HS3ST2: variants seen among roughly 807,000 people sequenced by gnomAD.
HS3ST2 encodes the protein heparan sulfate glucosamine 3-O-sulfotransferase 2.
In HS3ST2, 17 loss-of-function variants were observed where a neutral mutation model predicts 26.3. The observed-to-expected ratio is 0.65, with a 90% CI of 0.44 to 0.97. The LOEUF is 0.97. Ranked by LOEUF, HS3ST2 falls within the 50% of genes least tolerant of loss-of-function variation. The pLI is 0.00. For missense variants in HS3ST2, 402 were observed against 501.2 expected, an observed-to-expected ratio of 0.80 and a Z score of 1.89; for synonymous variants, 237 against 219.2, an observed-to-expected ratio of 1.08 and a Z score of -0.72.
chr16:22,884,476 T>A (rs1902033006), intron 1 of HS3ST2, among the ~76,000 whole-genome samples: 1 of 152,024 alleles, frequency 6.6e-6, no homozygotes, highest in Non-Finnish European at 1.5e-5. Flanking sequence ...GGACTCTCCG[T>A]AACTTCTCAT....
At chr16:22,904,469 G>A (rs1011744168) in intron 1 of HS3ST2, among the ~76,000 whole-genome samples, 1 of 152,110 alleles carries the variant, frequency 6.6e-6, no homozygotes, top group African/African-American at 2.4e-5. Flanking sequence ...AATGGGTTAT[G>A]TCTATAGTGG....
At chr16:22,822,927 C>T (rs1473360476) in intron 1 of HS3ST2, among the ~76,000 whole-genome samples, 1 of 151,760 alleles carries the variant, frequency 6.6e-6, no homozygotes, top group African/African-American at 2.4e-5. Flanking sequence ...AAAGGGTATT[C>T]AGAGAAAATT....
intron 1 of HS3ST2, among the ~76,000 whole-genome samples, chr16:22,836,617 T>C (rs937994467): frequency 1.3e-5 from 2 of 152,098 alleles, no homozygotes; most frequent in African/African-American, 2.4e-5. Flanking sequence ...TTTTTTTCAA[T>C]TAGTGCTTTA....
chr16:22,868,494 C>G (rs1168876595), intron 1 of HS3ST2, among the ~76,000 whole-genome samples: 3 of 149,910 alleles, frequency 2.0e-5, no homozygotes, highest in African/African-American at 7.4e-5. Flanking sequence ...AATGATTATA[C>G]AAGATCTTCA....
chr16:22,913,343 G>T (rs1442968878), intron 1 of HS3ST2, among the ~76,000 whole-genome samples: 1 of 152,144 alleles, frequency 6.6e-6, no homozygotes, highest in Non-Finnish European at 1.5e-5. Context: ...CTGGGAAAGA[G>T]ACTTCAGTGC....
chr16:22,894,752 A>T (rs1596629277), intron 1 of HS3ST2, among the ~76,000 whole-genome samples: 2 of 150,490 alleles, frequency 1.3e-5, no homozygotes, highest in East Asian at 3.9e-4. Flanking sequence ...AAAAAAAAAA[A>T]GGAGTTGGAG....
intron 1 of HS3ST2, among the ~76,000 whole-genome samples, chr16:22,829,953 G>T (rs1333840645): frequency 6.6e-6 from 1 of 152,144 alleles, no homozygotes; most frequent in African/African-American, 2.4e-5. Context: ...TCAATATGAG[G>T]GAAGCTGGGG....
rs956100872 is a variant in HS3ST2, at chr16:22,837,511, GTA to G, written c.485+22425_485+22426del. 2.1e-5 allele frequency among the ~76,000 whole-genome samples: 3 copies of G among 142,692 alleles called. No homozygotes were observed. In the South Asian group the frequency reaches 6.5e-4, roughly 31 times the overall value. The allele number at this position is 142,692 out of a possible 152,430, so 93.6% of individuals were successfully genotyped here. A position where few individuals can be genotyped will look rare whatever the true frequency, so the allele number is the denominator to read the frequency against. On this transcript the variant is annotated intron_variant, in intron 1 of 1. Transcript: ENST00000261374. ...TGTGTGTGTGTGTGTATATATATGT[GTA>G]TATATATACACATATATATACACAG...
chr16:22,849,729 C>G (rs978940685), intron 1 of HS3ST2, among the ~76,000 whole-genome samples: 1 of 152,188 alleles, frequency 6.6e-6, no homozygotes, highest in African/African-American at 2.4e-5. Flanking sequence ...AGGCTTGATT[C>G]AGGACACAAA....
intron 1 of HS3ST2, among the ~76,000 whole-genome samples, chr16:22,896,771 CTTTCT>C (rs1902216865): frequency 6.6e-6 from 1 of 151,966 alleles, no homozygotes; most frequent in Admixed American, 6.6e-5. Flanking sequence ...TTTTCTCTTT[CTTTCT>C]TTTGTTTTCT....
At chr16:22,910,532 T>G (rs934823335) in intron 1 of HS3ST2, among the ~76,000 whole-genome samples, 2 of 152,238 alleles carry the variant, frequency 1.3e-5, no homozygotes, top group African/African-American at 2.4e-5. Context: ...GCCCTTGTGA[T>G]TGTTTGCACA....
At chr16:22,903,088 T>G (rs1902302031) in intron 1 of HS3ST2, among the ~76,000 whole-genome samples, 1 of 152,206 alleles carries the variant, frequency 6.6e-6, no homozygotes, top group South Asian at 2.1e-4. Context: ...CATCTTTTCC[T>G]TCATGATTTT....
chr16:22,825,450 G>A (rs1367228976), intron 1 of HS3ST2, among the ~76,000 whole-genome samples: 1 of 152,158 alleles, frequency 6.6e-6, no homozygotes, highest in African/African-American at 2.4e-5. Flanking sequence ...TTAGATGTTC[G>A]TGGAAAGTTT....
intron 1 of HS3ST2, among the ~76,000 whole-genome samples, chr16:22,829,568 A>G (rs1901139386): frequency 1.3e-5 from 2 of 152,186 alleles, no homozygotes; most frequent in African/African-American, 2.4e-5. Flanking sequence ...CATAACTGTT[A>G]TAGAACACTT....
chr16:22,874,316 G>A (rs1901880942), intron 1 of HS3ST2, among the ~76,000 whole-genome samples: 1 of 152,170 alleles, frequency 6.6e-6, no homozygotes, highest in South Asian at 2.1e-4. Context: ...CCCTAAAGAT[G>A]ATTATTCCAG....
At chr16:22,846,910 C>A (rs1901441608) in intron 1 of HS3ST2, among the ~76,000 whole-genome samples, 1 of 152,188 alleles carries the variant, frequency 6.6e-6, no homozygotes, top group Admixed American at 6.5e-5. Flanking sequence ...TGGGGATACA[C>A]AGCGTGGAGT....
intron 1 of HS3ST2, among the ~76,000 whole-genome samples, chr16:22,905,424 G>GT (rs766253100): frequency 4.7e-3 from 664 of 141,434 alleles, no homozygotes; most frequent in Admixed American, 7.4e-3. Context: ...TTTTGTGTTT[G>GT]TTTTTTTTTT....
chr16:22,889,195 A>G (rs1248682245), intron 1 of HS3ST2, among the ~76,000 whole-genome samples: 1 of 152,206 alleles, frequency 6.6e-6, no homozygotes, highest in African/African-American at 2.4e-5. Context: ...CACATTTCCT[A>G]AAAATGGACA....
At chr16:22,853,726 G>A (rs916491118) in intron 1 of HS3ST2, among the ~76,000 whole-genome samples, 5 of 152,124 alleles carry the variant, frequency 3.3e-5, no homozygotes, top group African/African-American at 4.8e-5. Flanking sequence ...ACAGGCAGAG[G>A]TCCCTACAGC....
Sources: gnomAD v4.1 joint callset for allele counts (sites outside exome capture counted in the v4.1 genomes callset) on GRCh38, gnomAD v4.1.1 for gene constraint, MANE v1.5 for transcripts, NCBI Gene and HGNC (gene_info 2026-07-23, HGNC 2026-07-21) for gene names.